ACADM: variants seen among roughly 807,000 people sequenced by gnomAD.
ACADM encodes medium-chain specific acyl-CoA dehydrogenase, mitochondrial.
Under a neutral mutation model 58.9 loss-of-function variants are expected in ACADM, and 49 were observed. That is an observed-to-expected ratio of 0.83 (90% CI 0.66 to 1.06). The LOEUF (loss-of-function observed/expected upper bound fraction) is 1.06. Ranked by LOEUF, ACADM falls within the 50% of genes least tolerant of loss-of-function variation. The pLI is 0.00. For missense variants in ACADM, 496 were observed against 507.0 expected (o/e 0.98, Z 0.21); for synonymous variants, 160 against 157.7 (o/e 1.01, Z -0.11).
At chr1:75,741,186 G>A (rs1647547165) in intron 7 of ACADM, among the ~76,000 whole-genome samples, 1 of 152,046 alleles carries the variant, frequency 6.6e-6, no homozygotes, top group Non-Finnish European at 1.5e-5. Flanking sequence ...GTCTCTCTTT[G>A]TAAAAAATTC....
At chr1:75,750,858 C>T in intron 10 of ACADM, 1 of 395,360 alleles carries the variant, frequency 2.5e-6, no homozygotes, top group East Asian at 6.0e-5. Flanking sequence ...GAGTAATTCT[C>T]CTGCCTCAGC....
chr1:75,736,140 AT>A (rs1158621466), intron 6 of ACADM, among the ~76,000 whole-genome samples: 1 of 150,424 alleles, frequency 6.6e-6, no homozygotes, highest in Non-Finnish European at 1.5e-5. Context: ...TTTAAATTAG[AT>A]TTTTTTAACA....
intron 5 of ACADM, among the ~76,000 whole-genome samples, chr1:75,734,216 T>C (rs921789529): frequency 6.9e-6 from 1 of 145,768 alleles, no homozygotes; most frequent in Non-Finnish European, 1.5e-5. Flanking sequence ...CAGGCTGGAG[T>C]GCAGTGGCGC....
intron 2 of ACADM, among the ~76,000 whole-genome samples, chr1:75,730,324 A>G (rs939753375): frequency 6.6e-6 from 1 of 152,148 alleles, no homozygotes; most frequent in African/African-American, 2.4e-5. Flanking sequence ...AGGATGAGTT[A>G]GATATAATTG....
At chr1:75,728,522 T>A (rs752929464) in intron 2 of ACADM, 34 bp downstream of exon 2, 1 of 1,448,566 alleles carries the variant, frequency 6.9e-7, no homozygotes, top group South Asian at 1.1e-5. Flanking sequence ...GACTTTAAAC[T>A]TATACATATG....
intron 6 of ACADM, among the ~76,000 whole-genome samples, chr1:75,739,606 C>T (rs1022245325): frequency 1.3e-5 from 2 of 152,046 alleles, no homozygotes; most frequent in Non-Finnish European, 2.9e-5. Context: ...AGGTTGAGAC[C>T]AGCCTAGGCA....
At chr1:75,739,584 C>T (rs1647451598) in intron 6 of ACADM, among the ~76,000 whole-genome samples, 2 of 152,122 alleles carry the variant, frequency 1.3e-5, no homozygotes, top group African/African-American at 4.8e-5. Flanking sequence ...CAGAGGATTG[C>T]CTGAGCCCAG....
rs371538099 is a variant in ACADM at position 75,744,764 on chromosome 1, C to T, written c.600-1042C>T. On this transcript the variant is annotated intron_variant, in intron 7 of 11. Coordinates refer to ENST00000370841, the MANE Select transcript of ACADM (RefSeq NM_000016.6). ...CTGAACGCCCGGGACACAGTGGGACCGGGACAGCATCACGGCGGCCGGGTC... is the reference window on the plus strand; with the variant it reads ...CTGAACGCCCGGGACACAGTGGGACTGGGACAGCATCACGGCGGCCGGGTC... 510 of 694,852 alleles carry T rather than the reference C, an allele frequency of 7.3e-4. 5 individuals are homozygous for T. The African/African-American group carries it at 8.2e-3, about 11-fold the overall frequency. The allele number at this position is 694,852 out of a possible 1,614,324, so 43.0% of individuals were successfully genotyped here.
chr1:75,750,882 G>A, intron 10 of ACADM: 1 of 376,634 alleles, frequency 2.7e-6, no homozygotes, highest in South Asian at 2.3e-5. Flanking sequence ...CCAAGTAGTG[G>A]GAACTACAGG....
chr1:75,754,404 G>GT (rs200640060), intron 10 of ACADM, among the ~76,000 whole-genome samples: 3,878 of 151,912 alleles, frequency 0.026, 74 homozygotes, highest in Non-Finnish European at 0.036. Flanking sequence ...TAGAGATGAG[G>GT]TTTCACCATC....
chr1:75,742,906 G>A (rs1297698479), intron 7 of ACADM, among the ~76,000 whole-genome samples: 1 of 137,820 alleles, frequency 7.3e-6, no homozygotes, highest in African/African-American at 2.6e-5. Flanking sequence ...TGCCATTGAA[G>A]AAGGAAAGCA....
intron 2 of ACADM, among the ~76,000 whole-genome samples, chr1:75,729,917 C>G (rs1384521669): frequency 1.1e-5 from 1 of 88,464 alleles, no homozygotes; most frequent in Admixed American, 1.8e-4. Flanking sequence ...TTTTTTGAGA[C>G]TGAGTCTTGC....
In ACADM at chr1:75,737,281, TATATATATATATATATATA is replaced by T. The variant is rs1366752068; in HGVS notation, c.468+2411_468+2429del. ...GACTGCCACCACACACACACACAAA[TATATATATATATATATATA>T]TATATATATATATATATATATATAT... On this transcript the variant is annotated intron_variant, in intron 6 of 11. Coordinates refer to ENST00000370841, the MANE Select transcript of ACADM (RefSeq NM_000016.6). 4.6e-3 allele frequency among the ~76,000 whole-genome samples: 93 copies of T among 20,108 alleles called. 4 individuals carry two copies. The highest frequency in any genetic ancestry group is 0.01 in the Admixed American group (19 of 1,818). 13.2% of individuals were successfully genotyped at this position (20,108 alleles called of 152,430 possible).
intron 11 of ACADM, 184 bp downstream of exon 11, chr1:75,761,554 A>C: frequency 1.5e-6 from 1 of 667,070 alleles, no homozygotes; most frequent in Non-Finnish European, 2.6e-6. Context: ...ATTAAGTATA[A>C]GTCTGAAGAG....
At position 75,762,792 on chromosome 1, in the gene ACADM, T is replaced by G; in HGVS notation, c.*29T>G. 1 of 1,369,342 alleles carries G rather than the reference T, an allele frequency of 7.3e-7. No homozygotes were observed. Among genetic ancestry groups the G allele is most frequent in the Admixed American group, 1.7e-5 (1 of 57,784 alleles). 84.8% of individuals were successfully genotyped at this position (1,369,342 alleles called of 1,614,324 possible). ...AATTACTGTAGAAATATTGAATAAC[T>G]AGAACACAAGCCACTGTTTCAGCTC... On this transcript the variant is annotated 3_prime_UTR_variant, in exon 12 of 12. Transcript: ENST00000370841.
At chr1:75,749,820 C>G (rs1203222315) in intron 9 of ACADM, among the ~76,000 whole-genome samples, 1 of 146,872 alleles carries the variant, frequency 6.8e-6, no homozygotes, top group East Asian at 2.1e-4. Flanking sequence ...TCAAGAGATT[C>G]TCCTGCCTTA....
rs749511161 is a variant in ACADM at position 75,724,753 on chromosome 1, GTAT to G, written c.-30_-28del. ...GGAGTATGTCAAGGCCGTGACCCGT[GTAT>G]TATTGTCCGAGTGGCCGGAACGGGA... On this transcript the variant is annotated 5_prime_UTR_variant, in exon 1 of 12. Coordinates refer to ENST00000370841, the MANE Select transcript of ACADM (RefSeq NM_000016.6). 8 of 1,538,836 alleles carry G rather than the reference GTAT, an allele frequency of 5.2e-6. No individual in the cohort carries two copies. The East Asian group carries it at 2.1e-4, about 40-fold the overall frequency.
At chr1:75,729,261 A>T (rs1570853282) in intron 2 of ACADM, among the ~76,000 whole-genome samples, 1 of 139,304 alleles carries the variant, frequency 7.2e-6, no homozygotes, top group Non-Finnish European at 1.6e-5. Flanking sequence ...GAATTTAATG[A>T]AATTTTTCTT....
At chr1:75,750,785 G>C (rs1570893775) in intron 10 of ACADM, 1 of 265,182 alleles carries the variant, frequency 3.8e-6, no homozygotes, top group Non-Finnish European at 7.6e-6. Flanking sequence ...GTCTCGCTCT[G>C]TTGCTCAGGC....
Sources: allele counts gnomAD v4.1 joint callset (sites outside exome capture counted in the v4.1 genomes callset), GRCh38; gene constraint gnomAD v4.1.1; transcripts MANE v1.5; gene names NCBI Gene and HGNC (gene_info 2026-07-23, HGNC 2026-07-21).